The following COL24A1 variants were observed in gnomAD, a reference collection of about 807,000 sequenced individuals.
The protein encoded by COL24A1 is collagen alpha-1(XXIV) chain.
In COL24A1, 224 loss-of-function variants were observed where a neutral mutation model predicts 253.9. That is an observed-to-expected ratio of 0.88 (90% CI 0.79 to 0.99). The LOEUF is 0.99. Ranked by LOEUF, COL24A1 falls within the 50% of genes least tolerant of loss-of-function variation. The pLI is 0.00. For missense variants in COL24A1, 2,131 were observed against 2,068.5 expected (o/e 1.03, Z -0.59); for synonymous variants, 685 against 673.7 (o/e 1.02, Z -0.26).
At chr1:85,915,544 T>C (rs1685812631) in intron 24 of COL24A1, among the ~76,000 whole-genome samples, 1 of 152,224 alleles carries the variant, frequency 6.6e-6, no homozygotes, top group Admixed American at 6.5e-5. Flanking sequence ...CCCTAACTAA[T>C]GCTGTCAATC....
intron 5 of COL24A1, among the ~76,000 whole-genome samples, chr1:86,111,923 G>A (rs1705655497): frequency 6.6e-6 from 1 of 152,124 alleles, no homozygotes; most frequent in Admixed American, 6.5e-5. Flanking sequence ...GGAAGAAACT[G>A]CGAACATGTC....
At chr1:85,877,227 G>C in intron 32 of COL24A1, 52 bp from the exon 33 acceptor site, 3 of 1,290,164 alleles carry the variant, frequency 2.3e-6, no homozygotes, top group South Asian at 1.4e-5. Flanking sequence ...CTCTATGTCA[G>C]TAAATGTATT....
At chr1:85,801,884 A>G (rs1161453919) in intron 47 of COL24A1, among the ~76,000 whole-genome samples, 1 of 152,226 alleles carries the variant, frequency 6.6e-6, no homozygotes, top group African/African-American at 2.4e-5. Flanking sequence ...ACGGGCAGAC[A>G]TCACAAGGTA....
At chr1:85,968,306 C>T (rs1449221886) in intron 22 of COL24A1, among the ~76,000 whole-genome samples, 1 of 152,086 alleles carries the variant, frequency 6.6e-6, no homozygotes, top group Non-Finnish European at 1.5e-5. Context: ...GGGTTGGGGA[C>T]CCCTGCTATA....
At chr1:85,774,257 C>T (rs1052254983) in intron 53 of COL24A1, among the ~76,000 whole-genome samples, 1 of 152,124 alleles carries the variant, frequency 6.6e-6, no homozygotes, top group African/African-American at 2.4e-5. Context: ...TGATGTACTG[C>T]TGGATTTGGT....
chr1:85,901,598 G>A (rs1265671453), intron 28 of COL24A1, among the ~76,000 whole-genome samples: 1 of 151,938 alleles, frequency 6.6e-6, no homozygotes, highest in East Asian at 1.9e-4. Flanking sequence ...ATCACCTGAG[G>A]TCAGGAGTTT....
intron 19 of COL24A1, among the ~76,000 whole-genome samples, chr1:86,010,970 T>C (rs1462636433): frequency 2.6e-5 from 4 of 152,016 alleles, no homozygotes; most frequent in African/African-American, 7.2e-5. Context: ...ACTACTGAGA[T>C]TGGATACCTC....
Position 85,761,864 on chromosome 1 carries a change from T to A in COL24A1, c.4375-298A>T, listed in dbSNP as rs17128243. ...TATTAGTATTGTCTAAAGATGTTTT[T>A]CCTGTTATTTCTAACTACCATCCAC... On this transcript the variant is annotated intron_variant, in intron 53 of 59. Transcript: ENST00000370571. 9.3e-3 allele frequency among the ~76,000 whole-genome samples: 1,417 copies of A among 152,296 alleles called. 57 individuals carry two copies. The highest frequency in any genetic ancestry group is 0.062 in the Admixed American group (955 of 15,292).
chr1:85,825,542 A>G (rs903727880), intron 43 of COL24A1, among the ~76,000 whole-genome samples: 3 of 151,940 alleles, frequency 2.0e-5, no homozygotes, highest in African/African-American at 7.3e-5. Flanking sequence ...TCCCACCAAC[A>G]GTGTAAAAGT....
rs138423151 is a variant in COL24A1, at chr1:85,885,306, T to C, written c.2976+4254A>G. Among the ~76,000 whole-genome samples, 407 of 151,596 alleles carry C rather than the reference T, an allele frequency of 2.7e-3. 1 individual carries two copies. Among genetic ancestry groups the C allele is most frequent in the African/African-American group, 8.2e-3 (340 of 41,322 alleles). ...ACCTCCGCCTCCCAGGTTCAAGTAA[T>C]TCTCCTACCTCAGGTTCCTGAGCAG... On this transcript the variant is annotated intron_variant, in intron 32 of 59. Transcript: ENST00000370571.
At position 85,896,409 on chromosome 1, in the gene COL24A1, C is replaced by T. The variant is rs1571127758; in HGVS notation, c.2779G>A (p.Gly927Arg). 6.2e-7 allele frequency: 1 copy of T among 1,611,354 alleles called. No homozygotes were observed. The highest frequency in any genetic ancestry group is 1.1e-5 in the South Asian group (1 of 90,958). ...AAGAGACCATCTGGTCCTCTTGATC[C>T]CTAGAGGTGAAAAAAATATCCTGTT... ...PGSQGPKGQRGSRGPDGLLGE... is the reference protein window; with the variant it reads ...PGSQGPKGQRRSRGPDGLLGE... Residue 927 changes from glycine to arginine, a missense_variant and splice_region_variant, in exon 29 of 60, where the codon GGA becomes AGA. By Grantham distance (125) the Gly-to-Arg change is moderately radical. Coordinates refer to ENST00000370571, the MANE Select transcript of COL24A1 (RefSeq NM_152890.7).
At chr1:85,891,693 C>T (rs1270100517) in intron 31 of COL24A1, among the ~76,000 whole-genome samples, 1 of 152,084 alleles carries the variant, frequency 6.6e-6, no homozygotes, top group Non-Finnish European at 1.5e-5. Context: ...TCTCTCTGTG[C>T]CTAGTACACC....
intron 18 of COL24A1, among the ~76,000 whole-genome samples, chr1:86,019,725 A>G (rs1329395962): frequency 2.0e-5 from 3 of 152,166 alleles, no homozygotes. Context: ...AAAATCAATT[A>G]TCTCCCTACC....
chr1:85,822,002 C>T (rs1049322738), intron 45 of COL24A1, among the ~76,000 whole-genome samples: 19 of 152,228 alleles, frequency 1.2e-4, no homozygotes, highest in Non-Finnish European at 5.9e-5. Context: ...AGTAGCATGA[C>T]AGCAGTAGCA....
In COL24A1 at chr1:86,092,322, T is replaced by C; in HGVS notation, c.1600-2A>G. On this transcript the variant is annotated splice_acceptor_variant, in intron 5 of 59. Coordinates refer to ENST00000370571, the MANE Select transcript of COL24A1 (RefSeq NM_152890.7). LOFTEE classifies it high-confidence loss of function. ...AAATCCTGGATCTCCTTTGGGGCCC[T>C]AAATAAAATAGTTATAAAACAGTTG... 1 of 1,601,426 alleles carries C rather than the reference T, an allele frequency of 6.2e-7. No individual in the cohort carries two copies.
chr1:85,913,750 A>G (rs1315505867), intron 24 of COL24A1, among the ~76,000 whole-genome samples: 2 of 152,204 alleles, frequency 1.3e-5, no homozygotes, highest in East Asian at 3.8e-4. Flanking sequence ...ATACGTCTTA[A>G]TATCACCATG....
chr1:86,099,402 G>A (rs1302584128), intron 5 of COL24A1, among the ~76,000 whole-genome samples: 1 of 152,140 alleles, frequency 6.6e-6, no homozygotes, highest in Non-Finnish European at 1.5e-5. Context: ...GTTGAAATCA[G>A]TGAAATATAA....
At chr1:85,972,209 G>A (rs2100777672) in intron 20 of COL24A1, among the ~76,000 whole-genome samples, 1 of 152,132 alleles carries the variant, frequency 6.6e-6, no homozygotes, top group African/African-American at 2.4e-5. Context: ...TAACCATTAA[G>A]AAGTTTTATC....
intron 19 of COL24A1, among the ~76,000 whole-genome samples, chr1:85,993,565 C>T (rs1013866225): frequency 1.3e-5 from 2 of 151,452 alleles, no homozygotes; most frequent in South Asian, 4.2e-4. Flanking sequence ...ACAAGAGGAA[C>T]AGAAATAAAG....
Sources: allele counts gnomAD v4.1 joint callset (sites outside exome capture counted in the v4.1 genomes callset), GRCh38; gene constraint gnomAD v4.1.1; transcripts MANE v1.5; gene names NCBI Gene and HGNC (gene_info 2026-07-23, HGNC 2026-07-21).